Variants in NEGR1 observed in about 807,000 individuals in gnomAD.
NEGR1 encodes the protein neuronal growth regulator 1.
Under a neutral mutation model 40.9 loss-of-function variants are expected in NEGR1, and 10 were observed. That is an observed-to-expected ratio of 0.24 (90% CI 0.15 to 0.42). The LOEUF is 0.42. Ranked by LOEUF, NEGR1 falls within the 10% of genes least tolerant of loss-of-function variation. NEGR1 has a pLI of 1.00. For missense variants in NEGR1, 352 were observed against 438.9 expected (o/e 0.80, Z 1.77); for synonymous variants, 185 against 166.8 (o/e 1.11, Z -0.84).
At chr1:71,441,271 T>A (rs1235906227) in intron 6 of NEGR1, among the ~76,000 whole-genome samples, 3 of 152,180 alleles carry the variant, frequency 2.0e-5, no homozygotes, top group Non-Finnish European at 4.4e-5. Flanking sequence ...AATTTGCACA[T>A]AATCTGGTGT....
chr1:71,583,490 C>T (rs1287931636), intron 6 of NEGR1, among the ~76,000 whole-genome samples: 1 of 152,152 alleles, frequency 6.6e-6, no homozygotes, highest in Non-Finnish European at 1.5e-5. Context: ...TCAATTTATC[C>T]TTTTCCAGCA....
chr1:71,851,616 A>C (rs1256766025), intron 2 of NEGR1, among the ~76,000 whole-genome samples: 1 of 152,198 alleles, frequency 6.6e-6, no homozygotes, highest in Admixed American at 6.5e-5. Context: ...ATGCAAGGTT[A>C]GACAAGAAAA....
intron 1 of NEGR1, among the ~76,000 whole-genome samples, chr1:72,210,472 A>G (rs1451670198): frequency 6.6e-6 from 1 of 151,922 alleles, no homozygotes; most frequent in Non-Finnish European, 1.5e-5. Flanking sequence ...TTCATGGAAA[A>G]CCATTATTAC....
At chr1:71,777,947 TA>T (rs995863790) in intron 2 of NEGR1, among the ~76,000 whole-genome samples, 5 of 152,002 alleles carry the variant, frequency 3.3e-5, no homozygotes, top group African/African-American at 1.2e-4. Context: ...ATAAAAATTT[TA>T]AAACCATCCC....
At chr1:72,155,811 C>A (rs1262737732) in intron 1 of NEGR1, among the ~76,000 whole-genome samples, 1 of 152,042 alleles carries the variant, frequency 6.6e-6, no homozygotes, top group African/African-American at 2.4e-5. Context: ...TGAATGTGAT[C>A]ATAAAGGCAA....
intron 2 of NEGR1, among the ~76,000 whole-genome samples, chr1:71,894,638 C>T (rs1660914462): frequency 6.6e-6 from 1 of 152,220 alleles, no homozygotes; most frequent in African/African-American, 2.4e-5. Flanking sequence ...AGTTAGCTAA[C>T]TTATCAAATA....
chr1:71,839,910 A>C (rs1279337640), intron 2 of NEGR1, among the ~76,000 whole-genome samples: 2 of 152,176 alleles, frequency 1.3e-5, no homozygotes, highest in East Asian at 3.9e-4. Context: ...ACAGCTTTAC[A>C]AAATAAGTCC....
intron 1 of NEGR1, among the ~76,000 whole-genome samples, chr1:72,216,166 C>T (rs1653798485): frequency 6.6e-6 from 1 of 151,404 alleles, no homozygotes. Context: ...AACGAGAATG[C>T]TTGGACACAG....
chr1:71,604,322 GAC>G (rs1373875482), intron 5 of NEGR1, among the ~76,000 whole-genome samples: 2 of 151,926 alleles, frequency 1.3e-5, no homozygotes, highest in African/African-American at 4.8e-5. Context: ...TCATAATTTT[GAC>G]ATAAATAAAT....
rs1013141812 is a variant in NEGR1, at chr1:71,401,248, G to T, written c.*6198C>A. 3.3e-5 allele frequency: 5 copies of T among 152,100 alleles called. No homozygotes were observed. The highest frequency in any genetic ancestry group is 5.9e-5 in the Non-Finnish European group (4 of 68,014). The allele number at this position is 152,100 out of a possible 1,614,324, so 9.4% of individuals were successfully genotyped here. ...CAGATATGGAAATAAATTCTGAGGG[G>T]TAAAGATTCAATTGAATTCTCCTCC... On this transcript the variant is annotated 3_prime_UTR_variant, in exon 7 of 7. Transcript: ENST00000357731.
At chr1:71,847,267 T>C (rs1403236401) in intron 2 of NEGR1, among the ~76,000 whole-genome samples, 2 of 152,222 alleles carry the variant, frequency 1.3e-5, no homozygotes, top group Admixed American at 1.3e-4. Flanking sequence ...AAATTGCATA[T>C]ATTTACTGTG....
chr1:72,001,929 C>T (rs1646561361), intron 1 of NEGR1, among the ~76,000 whole-genome samples: 1 of 151,628 alleles, frequency 6.6e-6, no homozygotes, highest in African/African-American at 2.4e-5. Flanking sequence ...TTCCTGTCTC[C>T]CTGCAAAAAA....
At chr1:71,907,157 T>C (rs1416568612) in intron 2 of NEGR1, among the ~76,000 whole-genome samples, 3 of 152,158 alleles carry the variant, frequency 2.0e-5, no homozygotes, top group Admixed American at 6.6e-5. Flanking sequence ...AAATTTAGCA[T>C]GGGTTAAACT....
chr1:71,791,476 T>C (rs1200530088), intron 2 of NEGR1, among the ~76,000 whole-genome samples: 1 of 152,102 alleles, frequency 6.6e-6, no homozygotes, highest in Non-Finnish European at 1.5e-5. Flanking sequence ...TGGCAAATGC[T>C]ATAAATTATG....
chr1:72,236,358 C>T (rs1307484054), intron 1 of NEGR1, among the ~76,000 whole-genome samples: 1 of 151,868 alleles, frequency 6.6e-6, no homozygotes, highest in Non-Finnish European at 1.5e-5. Flanking sequence ...GTGCAGCAAA[C>T]CACATGGCAC....
At chr1:71,549,235 A>T (rs1443645282) in intron 6 of NEGR1, among the ~76,000 whole-genome samples, 3 of 151,778 alleles carry the variant, frequency 2.0e-5, no homozygotes, top group African/African-American at 7.2e-5. Flanking sequence ...TTAAGATCTC[A>T]GGGAATTAAC....
chr1:71,656,163 T>A (rs1651865312), intron 4 of NEGR1, among the ~76,000 whole-genome samples: 1 of 152,208 alleles, frequency 6.6e-6, no homozygotes, highest in African/African-American at 2.4e-5. Flanking sequence ...CACTTCCCAA[T>A]CTGCACTGTT....
intron 3 of NEGR1, among the ~76,000 whole-genome samples, chr1:71,770,702 G>C (rs934828726): frequency 6.6e-6 from 1 of 152,004 alleles, no homozygotes; most frequent in African/African-American, 2.4e-5. Context: ...ATTTGACCAA[G>C]AAAAACATTA....
chr1:71,501,712 AT>A (rs2101401729), intron 6 of NEGR1, among the ~76,000 whole-genome samples: 1 of 152,346 alleles, frequency 6.6e-6, no homozygotes, highest in South Asian at 2.1e-4. Context: ...GAGTGAAAAA[AT>A]AATGTTCATA....
Sources: gnomAD v4.1 joint callset for allele counts (sites outside exome capture counted in the v4.1 genomes callset) on GRCh38, gnomAD v4.1.1 for gene constraint, MANE v1.5 for transcripts, NCBI Gene and HGNC (gene_info 2026-07-23, HGNC 2026-07-21) for gene names.